SPARCL1: variants seen among roughly 807,000 people sequenced by gnomAD.
SPARCL1 encodes the protein SPARC-like protein 1.
In SPARCL1, 52 loss-of-function variants were observed where a neutral mutation model predicts 67.1. The observed-to-expected ratio is 0.78, with a 90% CI of 0.62 to 0.98. The LOEUF (loss-of-function observed/expected upper bound fraction) is 0.98, where lower values mean the gene tolerates loss of function less well. Ranked by LOEUF, SPARCL1 falls within the 50% of genes least tolerant of loss-of-function variation. SPARCL1 has a pLI of 0.00. For missense variants in SPARCL1, 717 were observed against 782.4 expected, an observed-to-expected ratio of 0.92 and a Z score of 1.00; for synonymous variants, 226 against 267.8, an observed-to-expected ratio of 0.84 and a Z score of 1.52.
chr4:87,491,759 C>T, intron 4 of SPARCL1, 69 bp from the exon 5 acceptor site: 1 of 1,055,938 alleles, frequency 9.5e-7, no homozygotes, highest in South Asian at 1.3e-5. Flanking sequence ...TATATTTCCA[C>T]TGTGCATACT....
At chr4:87,497,623 T>C (rs1724674732) in intron 2 of SPARCL1, among the ~76,000 whole-genome samples, 1 of 152,268 alleles carries the variant, frequency 6.6e-6, no homozygotes, top group Non-Finnish European at 1.5e-5. Flanking sequence ...TACAAATTTT[T>C]AATAGGTCAT....
chr4:87,507,789 C>G (rs1232274421), intron 1 of SPARCL1, among the ~76,000 whole-genome samples: 3 of 152,122 alleles, frequency 2.0e-5, no homozygotes, highest in African/African-American at 7.3e-5. Flanking sequence ...GTCACAAGAT[C>G]AGGCCTCCAG....
intron 1 of SPARCL1, among the ~76,000 whole-genome samples, chr4:87,501,955 C>T (rs1467615023): frequency 6.8e-6 from 1 of 147,388 alleles, no homozygotes; most frequent in African/African-American, 2.5e-5. Flanking sequence ...TTTTACCTTA[C>T]ATCTCTCCTA....
intron 1 of SPARCL1, among the ~76,000 whole-genome samples, chr4:87,526,883 A>G (rs1176947131): frequency 6.6e-6 from 1 of 152,234 alleles, no homozygotes. Context: ...AATTCTTACA[A>G]CAAATCTCTG....
chr4:87,506,977 C>CT (rs1000040777), intron 1 of SPARCL1, among the ~76,000 whole-genome samples: 1 of 152,086 alleles, frequency 6.6e-6, no homozygotes, highest in Non-Finnish European at 1.5e-5. Context: ...AATTTTAATT[C>CT]TTTTTTCTCT....
intron 1 of SPARCL1, among the ~76,000 whole-genome samples, chr4:87,507,873 A>C (rs893117239): frequency 3.3e-5 from 5 of 152,212 alleles, no homozygotes; most frequent in African/African-American, 1.2e-4. Context: ...GCTAGAGTGC[A>C]TCACAGAACT....
chr4:87,480,364 G>T lies in SPARCL1; in HGVS notation c.1817+8C>A, dbSNP rs758743063. 7.0e-6 allele frequency: 11 copies of T among 1,580,544 alleles called. No individual in the cohort carries two copies. Among genetic ancestry groups the T allele is most frequent in the Non-Finnish European group, 8.6e-6 (10 of 1,165,166 alleles). On this transcript the variant is annotated splice_region_variant and intron_variant, in intron 9 of 10. Transcript: ENST00000282470. Reference sequence around the variant, plus strand: ...AAATCTAGAAATGGAAAGGTAAAGAGTTCTTACCTATCCATAGGGTGTTGG... The same window carrying T: ...AAATCTAGAAATGGAAAGGTAAAGATTTCTTACCTATCCATAGGGTGTTGG...
intron 2 of SPARCL1, among the ~76,000 whole-genome samples, chr4:87,496,317 G>C (rs983621287): frequency 1.3e-5 from 2 of 152,090 alleles, no homozygotes; most frequent in Admixed American, 6.6e-5. Flanking sequence ...CTGCCTCCCA[G>C]GCTCAAGCCA....
intron 8 of SPARCL1, 100 bp downstream of exon 8, chr4:87,482,324 G>A: frequency 6.3e-6 from 8 of 1,276,862 alleles, no homozygotes; most frequent in Non-Finnish European, 8.8e-6. Context: ...AGCATAGTGG[G>A]CTTTTGCCAG....
chr4:87,485,294 G>A (rs1034802027), intron 7 of SPARCL1, among the ~76,000 whole-genome samples: 16 of 152,124 alleles, frequency 1.1e-4, no homozygotes, highest in African/African-American at 3.9e-4. Context: ...GAATTTTGTT[G>A]AAGACCTTTT....
Position 87,484,626 on chromosome 4 carries a change from G to T in SPARCL1, c.1532-2066C>A, listed in dbSNP as rs184981237. On this transcript the variant is annotated intron_variant, in intron 7 of 10. Transcript: ENST00000282470. ...TTCTAATTCTGTGAAGAAAGTCAGT[G>T]GTAGCTTGATGGGGATAGGATTGAA... Among the ~76,000 whole-genome samples the T allele has an allele frequency of 4.6e-5, 7 of 152,218 alleles. No individual in the cohort carries two copies. The East Asian group carries it at 1.4e-3, about 29-fold the overall frequency.
At chr4:87,520,246 CAAA>C (rs71667860) in intron 1 of SPARCL1, among the ~76,000 whole-genome samples, 3 of 105,226 alleles carry the variant, frequency 2.9e-5, no homozygotes, top group Non-Finnish European at 3.6e-5. Context: ...GACACTGTCT[CAAA>C]AAAAAAAAAA....
intron 1 of SPARCL1, among the ~76,000 whole-genome samples, chr4:87,506,827 A>AT (rs1340550224): frequency 8.6e-5 from 13 of 150,292 alleles, no homozygotes; most frequent in African/African-American, 2.7e-4. Flanking sequence ...CTATCTATCT[A>AT]CCTACCTACC....
intron 1 of SPARCL1, among the ~76,000 whole-genome samples, chr4:87,525,982 G>T (rs1396219536): frequency 6.6e-6 from 1 of 152,180 alleles, no homozygotes; most frequent in Non-Finnish European, 1.5e-5. Flanking sequence ...TTGAATTTCA[G>T]TTAGAGAGGA....
At chr4:87,485,211 A>T (rs1425122149) in intron 7 of SPARCL1, among the ~76,000 whole-genome samples, 1 of 152,120 alleles carries the variant, frequency 6.6e-6, no homozygotes, top group Non-Finnish European at 1.5e-5. Flanking sequence ...TTTGTCATAA[A>T]TAGCTGTTAT....
chr4:87,497,688 A>G (rs1387342479), intron 2 of SPARCL1, among the ~76,000 whole-genome samples: 1 of 152,228 alleles, frequency 6.6e-6, no homozygotes, highest in Non-Finnish European at 1.5e-5. Flanking sequence ...ACATGATATC[A>G]AATTGTCCCA....
At chr4:87,519,973 C>G (rs1051707611) in intron 1 of SPARCL1, among the ~76,000 whole-genome samples, 1 of 152,108 alleles carries the variant, frequency 6.6e-6, no homozygotes, top group Non-Finnish European at 1.5e-5. Flanking sequence ...GGCACGGTGG[C>G]TCACACCTGT....
chr4:87,487,444 G>A (rs1029979069), intron 7 of SPARCL1, among the ~76,000 whole-genome samples: 1 of 152,208 alleles, frequency 6.6e-6, no homozygotes, highest in Non-Finnish European at 1.5e-5. Context: ...TGCTTGTAGG[G>A]TTTCTGCAGA....
intron 1 of SPARCL1, among the ~76,000 whole-genome samples, chr4:87,526,495 A>T (rs894679451): frequency 6.6e-6 from 1 of 152,188 alleles, no homozygotes; most frequent in African/African-American, 2.4e-5. Context: ...TTTCATTCCT[A>T]CAACGACCTC....
Sources: gnomAD v4.1 joint callset for allele counts (sites outside exome capture counted in the v4.1 genomes callset) on GRCh38, gnomAD v4.1.1 for gene constraint, MANE v1.5 for transcripts, NCBI Gene and HGNC (gene_info 2026-07-23, HGNC 2026-07-21) for gene names.